MRC2: variants seen among roughly 807,000 people sequenced by gnomAD.
MRC2 encodes C-type mannose receptor 2.
In MRC2, 84 loss-of-function variants were observed where a neutral mutation model predicts 206.2. The observed-to-expected ratio is 0.41, with a 90% CI of 0.34 to 0.49. The LOEUF is 0.49. MRC2 is among the 20% of genes least tolerant of loss of function. MRC2 has a pLI of 0.31. For missense variants in MRC2, 1,676 were observed against 2,001.5 expected (o/e 0.84, Z 3.10); for synonymous variants, 798 against 800.0 (o/e 1.00, Z 0.04).
intron 1 of MRC2, among the ~76,000 whole-genome samples, chr17:62,642,219 G>A (rs1219370816): frequency 6.6e-6 from 1 of 151,908 alleles, no homozygotes; most frequent in African/African-American, 2.4e-5. Flanking sequence ...GTCTTTTATC[G>A]GCATTGCATT....
rs2088980620 is a variant in MRC2 at position 62,682,443 on chromosome 17, C to T, written c.2946+66C>T. The T allele has an allele frequency of 2.0e-6, 3 of 1,511,768 alleles. No individual in the cohort carries two copies. The Admixed American group carries it at 7.0e-5, about 35-fold the overall frequency. The allele number at this position is 1,511,768 out of a possible 1,614,324, so 93.6% of individuals were successfully genotyped here. On this transcript the variant is annotated intron_variant, in intron 20 of 29. Transcript: ENST00000303375. ...AGGACGTGAACAGGGAAAGGCTGAG[C>T]CTCAGGAGTCCTGGCCTTTTGGCAG...
At chr17:62,647,261 G>A (rs1277336281) in intron 1 of MRC2, among the ~76,000 whole-genome samples, 1 of 140,964 alleles carries the variant, frequency 7.1e-6, no homozygotes, top group East Asian at 2.1e-4. Flanking sequence ...TTGGCTCACT[G>A]CAACCTCCGC....
In MRC2 at chr17:62,692,854, T is replaced by C; in HGVS notation, c.*403T>C. On this transcript the variant is annotated 3_prime_UTR_variant, in exon 30 of 30. Coordinates refer to ENST00000303375, the MANE Select transcript of MRC2 (RefSeq NM_006039.5). The surrounding 1 kb of genome is among the most constrained non-coding windows in gnomAD (Gnocchi z 4.2). ...CCTCCCCTGTCCCCTCGGGCAGATC[T>C]GTTGTGTCTCTCTTCCCACCTGGCA... 5.2e-6 allele frequency: 1 copy of C among 191,664 alleles called. No individual in the cohort carries two copies. The highest frequency in any genetic ancestry group is 1.1e-4 in the South Asian group (1 of 9,230). The allele number at this position is 191,664 out of a possible 1,614,324, so 11.9% of individuals were successfully genotyped here. A position where few individuals can be genotyped will look rare whatever the true frequency, so the allele number is the denominator to read the frequency against.
Position 62,664,777 on chromosome 17 carries a change from A to C in MRC2, c.348A>C (p.Ala116=), listed in dbSNP as rs781486804. The change falls in exon 2 of 30, where the codon GCA becomes GCC. Residue 116 remains alanine, a synonymous_variant. Transcript: ENST00000303375. The surrounding 1 kb of genome is among the most constrained non-coding windows in gnomAD (Gnocchi z 4.7). ...SLGMYECDRE[A]LNLRWHCRTL... ...GCATGTATGAGTGTGACCGGGAAGC[A>C]CTGAATCTTCGCTGGCATTGTCGTA... 3.8e-5 allele frequency: 61 copies of C among 1,613,876 alleles called. No individual in the cohort carries two copies. Among genetic ancestry groups the C allele is most frequent in the African/African-American group, 6.7e-5 (5 of 74,954 alleles).
chr17:62,639,193 G>A (rs1351255782), intron 1 of MRC2, among the ~76,000 whole-genome samples: 1 of 151,868 alleles, frequency 6.6e-6, no homozygotes, highest in Non-Finnish European at 1.5e-5. Context: ...AAAAGTAGCT[G>A]GGCGTGGTGG....
Position 62,692,494 on chromosome 17 carries a change from G to A in MRC2, c.*43G>A. ...GGGCCAGGGCGGGAGGAGCTGGGGA[G>A]CTGGGGCCCTGGGTCAGTCTGGCCC... On this transcript the variant is annotated 3_prime_UTR_variant, in exon 30 of 30. Coordinates refer to ENST00000303375, the MANE Select transcript of MRC2 (RefSeq NM_006039.5). The surrounding 1 kb of genome is among the most constrained non-coding windows in gnomAD (Gnocchi z 4.2). 6.6e-7 allele frequency: 1 copy of A among 1,526,344 alleles called. No homozygotes were observed. The highest frequency in any genetic ancestry group is 8.9e-7 in the Non-Finnish European group (1 of 1,129,786). The allele number at this position is 1,526,344 out of a possible 1,614,324, so 94.6% of individuals were successfully genotyped here. A position where few individuals can be genotyped will look rare whatever the true frequency, so the allele number is the denominator to read the frequency against.
In MRC2 at chr17:62,627,704, C is replaced by A; in HGVS notation, c.-99C>A. 1.2e-6 allele frequency: 1 copy of A among 854,554 alleles called. No individual in the cohort carries two copies. The highest frequency in any genetic ancestry group is 1.6e-6 in the Non-Finnish European group (1 of 620,258). The allele number at this position is 854,554 out of a possible 1,614,324, so 52.9% of individuals were successfully genotyped here. On this transcript the variant is annotated 5_prime_UTR_variant, in exon 1 of 30. Transcript: ENST00000303375. ...TCCCGACCCGGAGGAGGACGCGAGC[C>A]CCTTGCGGGCGGTCATCACAGCCCA...
intron 18 of MRC2, 59 bp from the exon 19 acceptor site, chr17:62,681,777 TC>T: frequency 7.4e-7 from 1 of 1,355,984 alleles, no homozygotes; most frequent in East Asian, 2.4e-5. Flanking sequence ...CATTGCTGCA[TC>T]CGGTGGAGGC....
At chr17:62,638,222 A>C (rs896807399) in intron 1 of MRC2, among the ~76,000 whole-genome samples, 1 of 152,170 alleles carries the variant, frequency 6.6e-6, no homozygotes, top group African/African-American at 2.4e-5. Flanking sequence ...AAGTGTTCCA[A>C]AGAATTTTTT....
intron 1 of MRC2, among the ~76,000 whole-genome samples, chr17:62,635,897 C>T (rs567451949): frequency 2.0e-5 from 3 of 152,032 alleles, no homozygotes; most frequent in South Asian, 2.1e-4. Context: ...ACGCAATTCT[C>T]CTGCCTCAGC....
intron 1 of MRC2, among the ~76,000 whole-genome samples, chr17:62,650,558 C>T (rs560912127): frequency 6.6e-6 from 1 of 152,348 alleles, no homozygotes; most frequent in Admixed American, 6.5e-5. Context: ...CCATCCTTCC[C>T]AGCTCTTCCC....
chr17:62,690,600 C>T (rs779957070), intron 26 of MRC2, 42 bp from the exon 27 acceptor site: 27 of 1,525,044 alleles, frequency 1.8e-5, no homozygotes, highest in African/African-American at 4.2e-5. Flanking sequence ...CTGCCCCCCC[C>T]GGAGACCCAT....
In MRC2 at chr17:62,688,684, T is replaced by C; in HGVS notation, c.3225+20T>C. 1 of 1,612,050 alleles carries C rather than the reference T, an allele frequency of 6.2e-7. No individual in the cohort carries two copies. Among genetic ancestry groups the C allele is most frequent in the Middle Eastern group, 1.7e-4 (1 of 5,718 alleles). ...AAACCGGTGAGGATGCCCTCCCTGT[T>C]CCCCTCCGCACCGCGCTGCCCTAAG... On this transcript the variant is annotated intron_variant, in intron 22 of 29. Coordinates refer to ENST00000303375, the MANE Select transcript of MRC2 (RefSeq NM_006039.5).
At position 62,674,960 on chromosome 17, in the gene MRC2, T is replaced by C. The variant is rs189822587; in HGVS notation, c.1569+790T>C. 3.3e-3 allele frequency among the ~76,000 whole-genome samples: 506 copies of C among 151,630 alleles called. 4 individuals carry two copies. The highest frequency in any genetic ancestry group is 0.012 in the African/African-American group (484 of 41,300). ...CCACACCCACCTGGACCCCAAAGCC[T>C]CCCCCAGAAAATGAGCAGGAAACAC... On this transcript the variant is annotated intron_variant, in intron 9 of 29. Coordinates refer to ENST00000303375, the MANE Select transcript of MRC2 (RefSeq NM_006039.5).
At chr17:62,653,784 G>T (rs1216351802) in intron 1 of MRC2, among the ~76,000 whole-genome samples, 1 of 152,094 alleles carries the variant, frequency 6.6e-6, no homozygotes, top group Non-Finnish European at 1.5e-5. Context: ...GGCCGGTAGA[G>T]GGAAACCCAC....
At chr17:62,638,012 G>A (rs748899011) in intron 1 of MRC2, among the ~76,000 whole-genome samples, 1 of 152,000 alleles carries the variant, frequency 6.6e-6, no homozygotes, top group Non-Finnish European at 1.5e-5. Flanking sequence ...GACAGGCGGC[G>A]CCACCACTCT....
At chr17:62,661,976 G>A (rs764186686) in intron 1 of MRC2, among the ~76,000 whole-genome samples, 8 of 152,076 alleles carry the variant, frequency 5.3e-5, no homozygotes, top group Admixed American at 2.6e-4. Context: ...GGCCAGGTGC[G>A]GTGGCTCATG....
rs2088831604 is a variant in MRC2 at position 62,671,956 on chromosome 17, T to G, written c.1307-42T>G. ...TCCCTACTGGTGGCTGAGGCTGACC[T>G]CTCAATGTTTTCTCTCCCCTCCTCT... On this transcript the variant is annotated intron_variant, in intron 7 of 29. Transcript: ENST00000303375. The surrounding 1 kb of genome is among the most constrained non-coding windows in gnomAD (Gnocchi z 4.5). The G allele has an allele frequency of 6.2e-7, 1 of 1,613,698 alleles. No homozygotes were observed. The highest frequency in any genetic ancestry group is 1.3e-5 in the African/African-American group (1 of 75,044).
chr17:62,653,887 C>T (rs1408499411), intron 1 of MRC2, among the ~76,000 whole-genome samples: 1 of 151,994 alleles, frequency 6.6e-6, no homozygotes, highest in Non-Finnish European at 1.5e-5. Flanking sequence ...GAAGCAATGC[C>T]CCCCTCGTCC....
Sources: gnomAD v4.1 joint callset for allele counts (sites outside exome capture counted in the v4.1 genomes callset) on GRCh38, gnomAD v4.1.1 for gene constraint, Gnocchi (gnomAD v3.1) non-coding constraint, MANE v1.5 for transcripts, NCBI Gene and HGNC (gene_info 2026-07-23, HGNC 2026-07-21) for gene names.